The following GMDS variants were observed in gnomAD, a reference collection of about 807,000 sequenced individuals.
GMDS encodes the protein GDP-mannose 4,6-dehydratase.
A neutral mutation model predicts 49.9 loss-of-function variants in GMDS; 20 were observed. The ratio of observed to expected loss-of-function variants is 0.40; its 90% CI spans 0.28 to 0.58. The LOEUF (loss-of-function observed/expected upper bound fraction) is 0.58, where lower values mean the gene tolerates loss of function less well. GMDS is among the 20% of genes least tolerant of loss of function. The pLI, the probability that GMDS is intolerant of heterozygous loss-of-function variation, is 0.42. For missense variants in GMDS, 362 were observed against 481.4 expected, an observed-to-expected ratio of 0.75 and a Z score of 2.32; for synonymous variants, 177 against 178.6, an observed-to-expected ratio of 0.99 and a Z score of 0.07.
At chr6:2,136,478 A>T (rs557336956) in intron 1 of GMDS, among the ~76,000 whole-genome samples, 37 of 152,348 alleles carry the variant, frequency 2.4e-4, no homozygotes, top group African/African-American at 8.9e-4. Flanking sequence ...GCACTTTGGG[A>T]AGCCAAACCA....
chr6:2,093,277 A>C lies in GMDS; in HGVS notation c.345+22494T>G, dbSNP rs115475032. Among the ~76,000 whole-genome samples the C allele has an allele frequency of 4.8e-3, 728 of 152,374 alleles. 1 individual carries two copies. The highest frequency in any genetic ancestry group is 0.01 in the Middle Eastern group (3 of 294). Reference sequence around the variant, plus strand: ...AAACATTATTTCTCATATTTAAAAGAAGCAGCGAAAACACTTGAAAAAACA... The same window carrying C: ...AAACATTATTTCTCATATTTAAAAGCAGCAGCGAAAACACTTGAAAAAACA... On this transcript the variant is annotated intron_variant, in intron 4 of 10. Coordinates refer to ENST00000380815, the MANE Select transcript of GMDS (RefSeq NM_001500.4).
intron 9 of GMDS, among the ~76,000 whole-genome samples, chr6:1,681,004 T>A (rs905087265): frequency 6.6e-6 from 1 of 151,906 alleles, no homozygotes; most frequent in Non-Finnish European, 1.5e-5. Flanking sequence ...GCAGGGAGGA[T>A]AAAAAGAAAG....
rs1187897981 is a variant in GMDS, at chr6:1,640,285, C to T, written c.988-15745G>A. ...TCCTCTTCTTCACTGAAACTGTGCC[C>T]GTGGAGAAGCACATGGGATTTAGGG... On this transcript the variant is annotated intron_variant, in intron 9 of 10. Transcript: ENST00000380815. This position sits in a 1 kb window ranked among gnomAD's most constrained non-coding sequence, Gnocchi z 4.0. 6.6e-6 allele frequency among the ~76,000 whole-genome samples: 1 copy of T among 152,162 alleles called. No homozygotes were observed.
chr6:2,178,947 T>G (rs2127560323), intron 1 of GMDS, among the ~76,000 whole-genome samples: 1 of 152,288 alleles, frequency 6.6e-6, no homozygotes, highest in East Asian at 1.9e-4. Context: ...CAGAACAGAA[T>G]AATTTGAAAT....
At chr6:1,665,898 A>G (rs527416019) in intron 9 of GMDS, among the ~76,000 whole-genome samples, 1 of 152,280 alleles carries the variant, frequency 6.6e-6, no homozygotes, top group Non-Finnish European at 1.5e-5. Flanking sequence ...TCACCTTAAT[A>G]TATCTGGTAG....
chr6:1,670,775 C>T (rs1427071837), intron 9 of GMDS, among the ~76,000 whole-genome samples: 1 of 152,194 alleles, frequency 6.6e-6, no homozygotes, highest in African/African-American at 2.4e-5. Context: ...TTCTGCATTC[C>T]ATAGTTCCAA....
At chr6:1,839,831 G>A (rs886892155) in intron 7 of GMDS, among the ~76,000 whole-genome samples, 1 of 152,212 alleles carries the variant, frequency 6.6e-6, no homozygotes, top group Non-Finnish European at 1.5e-5. Flanking sequence ...CTGCAGCCGA[G>A]GGGACGTGGG....
intron 4 of GMDS, among the ~76,000 whole-genome samples, chr6:2,045,990 C>T (rs1056967240): frequency 7.2e-5 from 11 of 152,136 alleles, no homozygotes; most frequent in African/African-American, 2.7e-4. Flanking sequence ...GCAGGAGGAT[C>T]ACTTGAGCTC....
chr6:2,073,877 G>A (rs1192218033), intron 4 of GMDS, among the ~76,000 whole-genome samples: 2 of 152,114 alleles, frequency 1.3e-5, no homozygotes, highest in Non-Finnish European at 1.5e-5. Flanking sequence ...ATTCCATCAT[G>A]TATATATACC....
chr6:1,810,167 G>T (rs771368516), intron 7 of GMDS, among the ~76,000 whole-genome samples: 6 of 152,154 alleles, frequency 3.9e-5, no homozygotes, highest in Admixed American at 3.9e-4. Flanking sequence ...GGCTAACTGC[G>T]TATGTCACTG....
Position 1,853,387 on chromosome 6 carries a change from G to A in GMDS, c.771+76716C>T, listed in dbSNP as rs1466834036. On this transcript the variant is annotated intron_variant, in intron 7 of 10. Coordinates refer to ENST00000380815, the MANE Select transcript of GMDS (RefSeq NM_001500.4). ...CAAAAAATTAGCCGGGCGTGGTAGC[G>A]GGCGCCTGTAGTCCCAGCTACTGGG... 4.7e-5 allele frequency among the ~76,000 whole-genome samples: 7 copies of A among 150,048 alleles called. 1 individual carries two copies. Among genetic ancestry groups the A allele is most frequent in the South Asian group, 2.1e-4 (1 of 4,810 alleles).
chr6:1,817,563 G>A (rs1770721962), intron 7 of GMDS, among the ~76,000 whole-genome samples: 1 of 152,056 alleles, frequency 6.6e-6, no homozygotes, highest in Non-Finnish European at 1.5e-5. Flanking sequence ...AAGTAGTTAT[G>A]GTTTACTTTA....
At chr6:2,245,211 A>G in intron 1 of GMDS, 110 bp downstream of exon 1, 1 of 750,800 alleles carries the variant, frequency 1.3e-6, no homozygotes, top group Non-Finnish European at 2.2e-6. Flanking sequence ...CCCTTCCGGG[A>G]CGCCGAGAGG....
chr6:1,914,355 C>T (rs1192090118), intron 7 of GMDS, among the ~76,000 whole-genome samples: 3 of 149,180 alleles, frequency 2.0e-5, no homozygotes, highest in East Asian at 2.0e-4. Flanking sequence ...ACTTGGGAGG[C>T]GTAGAATCCT....
rs182483400 is a variant in GMDS at position 1,882,291 on chromosome 6, T to G, written c.771+47812A>C. Among the ~76,000 whole-genome samples, 177 of 152,340 alleles carry G rather than the reference T, an allele frequency of 1.2e-3. 1 individual carries two copies. Among genetic ancestry groups the G allele is most frequent in the African/African-American group, 4.1e-3 (172 of 41,578 alleles). ...TCAGTGTACTGCACCAAAGAGCTAT[T>G]TAATTGGCTTTTTAAAATGGATATA... On this transcript the variant is annotated intron_variant, in intron 7 of 10. Coordinates refer to ENST00000380815, the MANE Select transcript of GMDS (RefSeq NM_001500.4).
chr6:1,634,119 G>T (rs1259760227), intron 9 of GMDS, among the ~76,000 whole-genome samples: 2 of 152,170 alleles, frequency 1.3e-5, no homozygotes, highest in Non-Finnish European at 2.9e-5. Flanking sequence ...ACTCTTTGAT[G>T]TGCTTGGTCC....
At chr6:1,794,833 A>T (rs966244296) in intron 7 of GMDS, among the ~76,000 whole-genome samples, 2 of 152,172 alleles carry the variant, frequency 1.3e-5, no homozygotes, top group African/African-American at 2.4e-5. Context: ...AATGTATTTA[A>T]AAGTTAATTT....
At chr6:1,828,786 T>C (rs1303229939) in intron 7 of GMDS, among the ~76,000 whole-genome samples, 1 of 152,286 alleles carries the variant, frequency 6.6e-6, no homozygotes, top group South Asian at 2.1e-4. Context: ...AACACCAAAG[T>C]GAGTCTTTCA....
At chr6:2,011,052 A>G (rs1767528001) in intron 4 of GMDS, among the ~76,000 whole-genome samples, 1 of 152,220 alleles carries the variant, frequency 6.6e-6, no homozygotes. Flanking sequence ...TTCAACCCAA[A>G]TAAGGCAAGA....
Sources: allele counts gnomAD v4.1 joint callset (sites outside exome capture counted in the v4.1 genomes callset), GRCh38; gene constraint gnomAD v4.1.1; non-coding constraint Gnocchi (gnomAD v3.1); transcripts MANE v1.5; gene names NCBI Gene and HGNC (gene_info 2026-07-23, HGNC 2026-07-21).